DPP10: variants seen among roughly 807,000 people sequenced by gnomAD.
DPP10 encodes the protein dipeptidyl peptidase like 10.
DPP10 carries 33 observed loss-of-function variants against 120.9 expected under a neutral mutation model. That is an observed-to-expected ratio of 0.27 (90% CI 0.21 to 0.37). The LOEUF (loss-of-function observed/expected upper bound fraction) is 0.37, where lower values mean the gene tolerates loss of function less well. Ranked by LOEUF, DPP10 falls within the 10% of genes least tolerant of loss-of-function variation. The pLI is 1.00. For synonymous variants in DPP10, 337 were observed against 326.1 expected, an observed-to-expected ratio of 1.03 and a Z score of -0.36; for missense variants, 816 against 942.8, an observed-to-expected ratio of 0.87 and a Z score of 1.76.
At chr2:115,051,843 A>T (rs1705507740) in intron 1 of DPP10, among the ~76,000 whole-genome samples, 1 of 152,218 alleles carries the variant, frequency 6.6e-6, no homozygotes, top group Non-Finnish European at 1.5e-5. Flanking sequence ...CATAACCAAA[A>T]AAATGATAAG....
rs565906997 is a variant in DPP10, at chr2:115,797,196, A to G, written c.1700+5840A>G. On this transcript the variant is annotated intron_variant, in intron 19 of 25. Transcript: ENST00000410059. Reference sequence around the variant, plus strand: ...TGACTGAGTTCATGAATATTCCACAAGAGAGATCAAATTCTCAGCTCAGAT... The same window carrying G: ...TGACTGAGTTCATGAATATTCCACAGGAGAGATCAAATTCTCAGCTCAGAT... 3.3e-5 allele frequency among the ~76,000 whole-genome samples: 5 copies of G among 152,190 alleles called. No homozygotes were observed. In the East Asian group the frequency reaches 9.7e-4, roughly 29 times the overall value.
chr2:115,380,912 C>T (rs2066281901), intron 3 of DPP10, among the ~76,000 whole-genome samples: 1 of 152,222 alleles, frequency 6.6e-6, no homozygotes, highest in African/African-American at 2.4e-5. Flanking sequence ...GAGTTTCTGC[C>T]TAGAGATCCG....
At chr2:114,994,915 AT>A (rs1700982292) in intron 1 of DPP10, among the ~76,000 whole-genome samples, 1 of 152,144 alleles carries the variant, frequency 6.6e-6, no homozygotes. Context: ...TCTGCATAGA[AT>A]TTTTGTGTGA....
At chr2:114,884,397 G>A (rs1437677121) in intron 1 of DPP10, among the ~76,000 whole-genome samples, 1 of 152,030 alleles carries the variant, frequency 6.6e-6, no homozygotes, top group Non-Finnish European at 1.5e-5. Flanking sequence ...TCCTTTCTAA[G>A]GACTCCAGGG....
intron 1 of DPP10, among the ~76,000 whole-genome samples, chr2:114,646,572 C>T (rs1042797805): frequency 2.0e-5 from 3 of 152,160 alleles, no homozygotes; most frequent in African/African-American, 7.2e-5. Context: ...CTCGAGATGA[C>T]AGTATCTCCA....
chr2:115,126,464 T>C (rs1016587759), intron 1 of DPP10, among the ~76,000 whole-genome samples: 1 of 152,210 alleles, frequency 6.6e-6, no homozygotes, highest in South Asian at 2.1e-4. Context: ...GAATGCTCTC[T>C]TTCTGTCCAC....
intron 5 of DPP10, 43 bp from the exon 6 acceptor site, chr2:115,689,644 T>G (rs1473438083): frequency 1.6e-6 from 2 of 1,258,430 alleles, no homozygotes; most frequent in Admixed American, 2.4e-5. Context: ...ATATTCACAT[T>G]AAGATAAAGC....
chr2:114,945,135 A>G (rs1269420806), intron 1 of DPP10, among the ~76,000 whole-genome samples: 1 of 152,344 alleles, frequency 6.6e-6, no homozygotes, highest in East Asian at 1.9e-4. Flanking sequence ...AAACCAAAAA[A>G]TTCCTAGAAA....
At chr2:115,105,062 C>T (rs1385346660) in intron 1 of DPP10, among the ~76,000 whole-genome samples, 1 of 152,058 alleles carries the variant, frequency 6.6e-6, no homozygotes, top group African/African-American at 2.4e-5. Flanking sequence ...GATTGAATTT[C>T]CCCATGGTTA....
At chr2:115,820,794 GGTGTATGTGTGTGTGTGTGTGTGT>G (rs1687735832) in intron 21 of DPP10, among the ~76,000 whole-genome samples, 1 of 112,636 alleles carries the variant, frequency 8.9e-6, no homozygotes, top group Non-Finnish European at 1.9e-5. Context: ...AGTATTCCAT[GGTGTATGTGTGTGTGTGTGTGTGT>G]GTGTGTGTGT....
At chr2:114,608,576 ATTG>A (rs1274745916) in intron 1 of DPP10, among the ~76,000 whole-genome samples, 6 of 152,164 alleles carry the variant, frequency 3.9e-5, no homozygotes, top group Non-Finnish European at 7.3e-5. Flanking sequence ...GTTTGGAATC[ATTG>A]TACCAAAAAG....
intron 1 of DPP10, among the ~76,000 whole-genome samples, chr2:114,470,096 A>G (rs1327782314): frequency 1.3e-5 from 2 of 152,204 alleles, no homozygotes; most frequent in African/African-American, 2.4e-5. Context: ...TTGTCAATAA[A>G]TCTTCCTGGG....
intron 1 of DPP10, among the ~76,000 whole-genome samples, chr2:115,278,772 A>G (rs1200935820): frequency 6.6e-6 from 1 of 152,094 alleles, no homozygotes; most frequent in Non-Finnish European, 1.5e-5. Context: ...CGTCCCCATG[A>G]CCAAAACACC....
intron 1 of DPP10, among the ~76,000 whole-genome samples, chr2:114,839,714 T>C (rs1193722434): frequency 6.6e-6 from 1 of 152,194 alleles, no homozygotes. Flanking sequence ...TTCTTTTCTC[T>C]TTGTACTTAG....
intron 7 of DPP10, among the ~76,000 whole-genome samples, chr2:115,698,912 A>G (rs957744517): frequency 1.3e-5 from 2 of 151,966 alleles, no homozygotes; most frequent in Admixed American, 1.3e-4. Context: ...AAACCTAAAG[A>G]TAGTAGATAT....
intron 1 of DPP10, among the ~76,000 whole-genome samples, chr2:114,949,818 C>A (rs1011303265): frequency 2.6e-5 from 4 of 152,154 alleles, no homozygotes; most frequent in East Asian, 3.9e-4. Context: ...TCTTCCCCAG[C>A]CTCAACTCTT....
chr2:114,495,483 G>T (rs1403555671), intron 1 of DPP10, among the ~76,000 whole-genome samples: 1 of 152,080 alleles, frequency 6.6e-6, no homozygotes, highest in African/African-American at 2.4e-5. Context: ...CTCCATTATT[G>T]TATTTCTTTC....
intron 1 of DPP10, among the ~76,000 whole-genome samples, chr2:114,819,031 G>T (rs989918449): frequency 2.0e-5 from 3 of 151,856 alleles, no homozygotes. Context: ...GCATAGTTTT[G>T]GTCCACTAAG....
intron 1 of DPP10, among the ~76,000 whole-genome samples, chr2:114,550,494 C>T (rs1174226178): frequency 6.6e-6 from 1 of 152,234 alleles, no homozygotes; most frequent in Non-Finnish European, 1.5e-5. Flanking sequence ...TTCGACCAGA[C>T]ATCTGCTGGC....
Sources: gnomAD v4.1 joint callset for allele counts (sites outside exome capture counted in the v4.1 genomes callset) on GRCh38, gnomAD v4.1.1 for gene constraint, MANE v1.5 for transcripts, NCBI Gene and HGNC (gene_info 2026-07-23, HGNC 2026-07-21) for gene names.